The following ZNF233 variants were observed in gnomAD, a reference collection of about 807,000 sequenced individuals.
ZNF233 encodes the protein zinc finger protein 233.
Under a neutral mutation model 11.6 loss-of-function variants are expected in ZNF233, and 7 were observed. The ratio of observed to expected loss-of-function variants is 0.60; its 90% CI spans 0.34 to 1.13. ZNF233 has a LOEUF of 1.13. Among genes scored for constraint, ZNF233 ranks in the 50% most tolerant of loss-of-function variants. ZNF233 has a pLI of 0.03. For missense variants in ZNF233, 711 were observed against 785.5 expected, an observed-to-expected ratio of 0.91 and a Z score of 1.13; for synonymous variants, 226 against 268.5, an observed-to-expected ratio of 0.84 and a Z score of 1.55.
intron 4 of ZNF233, among the ~76,000 whole-genome samples, chr19:44,270,017 A>C (rs1248941260): frequency 6.6e-6 from 1 of 152,172 alleles, no homozygotes; most frequent in African/African-American, 2.4e-5. Flanking sequence ...AATGAAACAA[A>C]ATCTCACAGA....
Position 44,261,906 on chromosome 19 carries a change from C to T in ZNF233, c.-48+1968C>T, listed in dbSNP as rs535545561. Among the ~76,000 whole-genome samples, 10 of 152,242 alleles carry T rather than the reference C, an allele frequency of 6.6e-5. No homozygotes were observed. In the South Asian group the frequency reaches 1.7e-3, roughly 25 times the overall value. On this transcript the variant is annotated intron_variant, in intron 1 of 4. Transcript: ENST00000683810. ...ACCTCAAGTGATCTGCCTGCCTTGACCTCCTAAAGTGCTGGGATTACAGGC... is the reference window on the plus strand; with the variant it reads ...ACCTCAAGTGATCTGCCTGCCTTGATCTCCTAAAGTGCTGGGATTACAGGC...
chr19:44,274,622 T>A lies in ZNF233; in HGVS notation c.1962T>A (p.Gly654=), dbSNP rs750697604. 1 of 1,602,274 alleles carries A rather than the reference T, an allele frequency of 6.2e-7. No homozygotes were observed. The highest frequency in any genetic ancestry group is 8.5e-7 in the Non-Finnish European group (1 of 1,178,738). The part of the protein sequence containing the change: ...GEKPYKCFVC[G]KGFSKSSLSS... ...AACCATACAAATGTTTTGTGTGTGG[T>A]AAGGGCTTTAGTAAGAGTTCGTTGT... is the stretch of plus-strand genomic sequence containing the variant. The change falls in exon 5 of 5, where the codon GGT becomes GGA. Residue 654 remains glycine, a synonymous_variant. Coordinates refer to ENST00000683810, the MANE Select transcript of ZNF233 (RefSeq NM_001207005.2).
At chr19:44,263,637 T>G (rs913103266) in intron 1 of ZNF233, among the ~76,000 whole-genome samples, 11 of 152,212 alleles carry the variant, frequency 7.2e-5, no homozygotes, top group African/African-American at 2.7e-4. Context: ...AACTGAATGC[T>G]GATATCAATT....
intron 1 of ZNF233, 35 bp downstream of exon 1, chr19:44,259,973 G>A: frequency 2.2e-6 from 1 of 453,412 alleles, no homozygotes; most frequent in South Asian, 1.6e-5. Context: ...TCTACGGCGA[G>A]CTTTCCTGGC....
At chr19:44,266,777 A>G in intron 3 of ZNF233, 89 bp from the exon 4 acceptor site, 1 of 924,166 alleles carries the variant, frequency 1.1e-6, no homozygotes, top group African/African-American at 1.6e-5. Flanking sequence ...GAAAAATACT[A>G]CTTAGAGCGC....
intron 4 of ZNF233, among the ~76,000 whole-genome samples, chr19:44,271,022 T>C (rs969084127): frequency 6.6e-6 from 1 of 152,210 alleles, no homozygotes; most frequent in Non-Finnish European, 1.5e-5. Flanking sequence ...CATTTAGGTT[T>C]ATCAGAAAAT....
At chr19:44,270,694 C>T (rs74339525) in intron 4 of ZNF233, among the ~76,000 whole-genome samples, 9,036 of 152,240 alleles carry the variant, frequency 0.059, 376 homozygotes, top group East Asian at 0.15. Flanking sequence ...TGGACTGGGA[C>T]TGAAGGACCT....
At chr19:44,269,279 A>C (rs974573573) in intron 4 of ZNF233, among the ~76,000 whole-genome samples, 1 of 151,330 alleles carries the variant, frequency 6.6e-6, no homozygotes, top group Non-Finnish European at 1.5e-5. Flanking sequence ...CCTCCTTAGC[A>C]AATCTTGACT....
chr19:44,273,372 AATT>A lies in ZNF233; in HGVS notation c.713_715del (p.Asn238_Cys239delinsSer). 6.2e-7 allele frequency: 1 copy of A among 1,614,190 alleles called. No homozygotes were observed. The highest frequency in any genetic ancestry group is 8.5e-7 in the Non-Finnish European group (1 of 1,180,028). ...AAGAGAGAAAGCTTTTAGCCACAAT[AATT>A]GTGGAAAAGACTGTGTGAAGGAATC... On this transcript the variant is annotated inframe_deletion, in exon 5 of 5. Transcript: ENST00000683810.
At position 44,272,960 on chromosome 19, in the gene ZNF233, T is replaced by G; in HGVS notation, c.300T>G (p.Tyr100Ter). 1 of 1,611,774 alleles carries G rather than the reference T, an allele frequency of 6.2e-7. No homozygotes were observed. Among genetic ancestry groups the G allele is most frequent in the Non-Finnish European group, 8.5e-7 (1 of 1,179,536 alleles). The change falls in exon 5 of 5, where the codon TAT becomes TAG. Residue 100 changes from tyrosine to a stop codon, truncating the protein, a stop_gained. Coordinates refer to ENST00000683810, the MANE Select transcript of ZNF233 (RefSeq NM_001207005.2). LOFTEE classifies it low-confidence loss of function (END_TRUNC). ...LQEVRLRFLS[Y>*]EDLICWQIWE... The stretch of plus-strand genomic sequence containing the variant: ...AAGTAAGATTAAGATTCCTTTCATA[T>G]GAAGACCTTATATGCTGGCAAATAT...
intron 4 of ZNF233, among the ~76,000 whole-genome samples, chr19:44,268,893 G>C (rs1328002808): frequency 6.6e-6 from 1 of 151,914 alleles, no homozygotes; most frequent in Non-Finnish European, 1.5e-5. Flanking sequence ...ATTCCTACTT[G>C]ATAGAAGCAC....
rs1679087633 is a variant in ZNF233, at chr19:44,274,868, T to G, written c.*195T>G. 1.9e-6 allele frequency: 1 copy of G among 518,670 alleles called. No homozygotes were observed. The highest frequency in any genetic ancestry group is 3.3e-6 in the Non-Finnish European group (1 of 302,682). 32.1% of individuals were successfully genotyped at this position (518,670 alleles called of 1,614,324 possible). A position where few individuals can be genotyped will look rare whatever the true frequency, so the allele number is the denominator to read the frequency against. On this transcript the variant is annotated 3_prime_UTR_variant, in exon 5 of 5. Transcript: ENST00000683810. ...TATTTTTGTATGAATATGACCAGTT[T>G]CAAGCAGAGCCCAAAATGTCACAGT...
chr19:44,273,151 A>C lies in ZNF233; in HGVS notation c.491A>C (p.Glu164Ala), dbSNP rs767421763. 7 of 1,613,886 alleles carry C rather than the reference A, an allele frequency of 4.3e-6. No homozygotes were observed. In the South Asian group the frequency reaches 7.7e-5, roughly 18 times the overall value. Reference protein sequence around the residue: ...DENYVIKLQGESSNSIKNQEL... With the variant: ...DENYVIKLQGASSNSIKNQEL... ...AACTATGTAATAAAGCTACAAGGGG[A>C]GAGTTCAAATAGCATAAAAAATCAA... is the stretch of plus-strand genomic sequence containing the variant. The change falls in exon 5 of 5, where the codon GAG (glutamate) becomes GCG (alanine). Residue 164 changes from glutamate to alanine, a missense_variant. Transcript: ENST00000683810.
intron 4 of ZNF233, among the ~76,000 whole-genome samples, chr19:44,268,801 TCCC>T (rs560394805): frequency 9.9e-5 from 15 of 151,912 alleles, no homozygotes; most frequent in African/African-American, 3.4e-4. Flanking sequence ...CTTATTTCAT[TCCC>T]CCTTTTCTTC....
chr19:44,265,638 T>A (rs188494529), intron 2 of ZNF233, among the ~76,000 whole-genome samples: 12 of 152,256 alleles, frequency 7.9e-5, no homozygotes, highest in Admixed American at 6.5e-4. Flanking sequence ...GTCAGGCTGG[T>A]CTTGAACTCC....
chr19:44,267,164 T>G (rs746464592), intron 4 of ZNF233: 4 of 440,596 alleles, frequency 9.1e-6, no homozygotes, highest in African/African-American at 2.0e-5. Flanking sequence ...ATCATGTCGC[T>G]CCTTGGCTCA....
chr19:44,264,632 C>T (rs1205943675), intron 2 of ZNF233, among the ~76,000 whole-genome samples: 1 of 152,208 alleles, frequency 6.6e-6, no homozygotes, highest in South Asian at 2.1e-4. Flanking sequence ...AAAACCTCCA[C>T]ATTACTACAT....
rs1975314941 is a variant in ZNF233 at position 44,273,863 on chromosome 19, T to A, written c.1203T>A (p.Asp401Glu). ...DSAGERACKC[D>E]VYDKGFSQTS... Reference sequence around the variant, plus strand: ...CTGGAGAGAGAGCCTGTAAATGTGATGTATATGATAAAGGCTTCAGTCAGA... The same window carrying A: ...CTGGAGAGAGAGCCTGTAAATGTGAAGTATATGATAAAGGCTTCAGTCAGA... Residue 401 changes from aspartate to glutamate, a missense_variant, in exon 5 of 5, where the codon GAT becomes GAA. Physicochemically the swap from Asp to Glu is conservative, Grantham distance 45. Transcript: ENST00000683810. The A allele has an allele frequency of 6.2e-7, 1 of 1,614,024 alleles. No individual in the cohort carries two copies. The highest frequency in any genetic ancestry group is 1.3e-5 in the African/African-American group (1 of 74,912).
chr19:44,266,783 A>T, intron 3 of ZNF233, 83 bp from the exon 4 acceptor site: 1 of 963,300 alleles, frequency 1.0e-6, no homozygotes, highest in Non-Finnish European at 1.6e-6. Flanking sequence ...TACTACTTAG[A>T]GCGCATGAAA....
Sources: gnomAD v4.1 joint callset for allele counts (sites outside exome capture counted in the v4.1 genomes callset) on GRCh38, gnomAD v4.1.1 for gene constraint, MANE v1.5 for transcripts, NCBI Gene and HGNC (gene_info 2026-07-23, HGNC 2026-07-21) for gene names.